The following MRTFB variants were observed in gnomAD, a reference collection of about 807,000 sequenced individuals.
The protein encoded by MRTFB is myocardin-related transcription factor B.
MRTFB carries 29 observed loss-of-function variants against 104.2 expected under a neutral mutation model. The ratio of observed to expected loss-of-function variants is 0.28; its 90% confidence interval spans 0.21 to 0.38. The LOEUF is 0.38. MRTFB is among the 10% of genes least tolerant of loss of function. The pLI is 1.00. For missense variants in MRTFB, 1,270 were observed against 1,341.6 expected (o/e 0.95, Z 0.83); for synonymous variants, 535 against 519.5 (o/e 1.03, Z -0.41).
the MRTFB span, among the ~76,000 whole-genome samples, chr16:14,000,320 CATCT>C: frequency 1.3e-5 from 2 of 152,190 alleles, no homozygotes; most frequent in African/African-American, 4.8e-5. Flanking sequence ...CATTGATTTA[CATCT>C]ATCTGTCTAC....
chr16:14,146,013 A>G (rs1317023372), intron 3 of MRTFB, among the ~76,000 whole-genome samples: 1 of 152,218 alleles, frequency 6.6e-6, no homozygotes, highest in Non-Finnish European at 1.5e-5. Context: ...AGGCAGAGCA[A>G]CCCTCAGGGA....
chr16:14,261,739 A>G lies in MRTFB; in HGVS notation c.*295A>G. ...GAATGAAAAGTACCTTTAGATAAAA[A>G]CAAAGAAGAGTAATATATGCAGCAC... is the stretch of plus-strand genomic sequence containing the variant. On this transcript the variant is annotated 3_prime_UTR_variant, in exon 17 of 17. Coordinates refer to ENST00000571589, the MANE Select transcript of MRTFB (RefSeq NM_001308142.2). The G allele has an allele frequency of 3.2e-6, 1 of 312,070 alleles. No homozygotes were observed. The highest frequency in any genetic ancestry group is 7.6e-5 in the South Asian group (1 of 13,140). The allele number at this position is 312,070 out of a possible 1,614,324, so 19.3% of individuals were successfully genotyped here.
intron 3 of MRTFB, among the ~76,000 whole-genome samples, chr16:14,166,210 T>G (rs1443185107): frequency 1.4e-5 from 2 of 141,294 alleles, no homozygotes; most frequent in Admixed American, 1.4e-4. Flanking sequence ...TGTGTGGGTT[T>G]TCTTTTCTTT....
At chr16:14,120,349 T>C (rs912402146) in intron 2 of MRTFB, among the ~76,000 whole-genome samples, 3 of 152,224 alleles carry the variant, frequency 2.0e-5, no homozygotes, top group Admixed American at 1.3e-4. Context: ...TACATCATGT[T>C]TAATCCCTCC....
chr16:14,199,669 A>G lies in MRTFB; in HGVS notation c.155-10574A>G, dbSNP rs78909870. 1.0e-2 allele frequency among the ~76,000 whole-genome samples: 1,523 copies of G among 152,348 alleles called. 17 individuals are homozygous for G. Among genetic ancestry groups the G allele is most frequent in the Non-Finnish European group, 0.017 (1,144 of 68,026 alleles). ...TTGATTCTAAATGTATCTCAAATCT[A>G]TTCATTACATCTCTCAGCCATGATG... On this transcript the variant is annotated intron_variant, in intron 3 of 16. Coordinates refer to ENST00000571589, the MANE Select transcript of MRTFB (RefSeq NM_001308142.2).
intron 3 of MRTFB, among the ~76,000 whole-genome samples, chr16:14,165,292 C>T (rs182539192): frequency 3.8e-4 from 58 of 152,102 alleles, no homozygotes; most frequent in South Asian, 6.2e-4. Flanking sequence ...TGTTTGCTGC[C>T]GTGGAGAATT....
chr16:14,237,585 A>C (rs994914441), intron 9 of MRTFB, among the ~76,000 whole-genome samples: 1 of 152,218 alleles, frequency 6.6e-6, no homozygotes, highest in Non-Finnish European at 1.5e-5. Context: ...TAGCTTGATT[A>C]GACTGTAGGG....
chr16:14,045,928 T>C, the MRTFB span, among the ~76,000 whole-genome samples: 2 of 152,194 alleles, frequency 1.3e-5, no homozygotes, highest in Non-Finnish European at 2.9e-5. Context: ...GTTGGTAAAG[T>C]GGTCTCAGCA....
the MRTFB span, among the ~76,000 whole-genome samples, chr16:13,997,036 A>C: frequency 6.6e-6 from 1 of 152,070 alleles, no homozygotes; most frequent in East Asian, 1.9e-4. Context: ...ATAAAAAGAC[A>C]CTCTTCTCAT....
intron 3 of MRTFB, among the ~76,000 whole-genome samples, chr16:14,199,252 C>T (rs1036396684): frequency 6.6e-6 from 1 of 152,196 alleles, no homozygotes; most frequent in East Asian, 1.9e-4. Context: ...CCTCTGCCTT[C>T]CTTTGTTGGA....
chr16:14,034,616 CA>C, the MRTFB span, among the ~76,000 whole-genome samples: 573 of 57,838 alleles, frequency 9.9e-3, 5 homozygotes, highest in East Asian at 0.098. Context: ...CTCCATCTCA[CA>C]AAAAAAAAAA....
chr16:14,079,555 C>A (rs887851814), intron 2 of MRTFB, among the ~76,000 whole-genome samples: 1 of 152,018 alleles, frequency 6.6e-6, no homozygotes, highest in Non-Finnish European at 1.5e-5. Flanking sequence ...TCAACCTCTT[C>A]GAATCTAATC....
chr16:14,119,739 A>T (rs1398525656), intron 2 of MRTFB, among the ~76,000 whole-genome samples: 1 of 152,120 alleles, frequency 6.6e-6, no homozygotes, highest in Non-Finnish European at 1.5e-5. Flanking sequence ...CATATTTAGT[A>T]TAAGTGATTG....
chr16:14,152,000 T>C (rs2038636711), intron 3 of MRTFB: 1 of 152,150 alleles, frequency 6.6e-6, no homozygotes. Flanking sequence ...TCTCCTTATG[T>C]GCTTGTTCTG....
At chr16:14,146,749 G>T (rs540443018) in intron 3 of MRTFB, among the ~76,000 whole-genome samples, 1 of 152,216 alleles carries the variant, frequency 6.6e-6, no homozygotes, top group South Asian at 2.1e-4. Context: ...TAACCTGCTA[G>T]GCTTACTGTC....
At chr16:14,040,629 AT>A in the MRTFB span, among the ~76,000 whole-genome samples, 1 of 152,054 alleles carries the variant, frequency 6.6e-6, no homozygotes, top group Non-Finnish European at 1.5e-5. Flanking sequence ...CAACCGGCTA[AT>A]TTTTGTATTT....
chr16:14,004,113 C>T, the MRTFB span, among the ~76,000 whole-genome samples: 4 of 152,114 alleles, frequency 2.6e-5, no homozygotes, highest in Admixed American at 1.3e-4. Context: ...AAGCCATGAG[C>T]CCCAGGAGCT....
intron 3 of MRTFB, 105 bp from the exon 4 acceptor site, chr16:14,210,138 A>C (rs908469058): frequency 4.0e-6 from 3 of 751,528 alleles, no homozygotes; most frequent in African/African-American, 1.8e-5. Context: ...TTAATTGTGA[A>C]ATAGAAGATG....
rs115817686 is a variant in MRTFB at position 14,203,514 on chromosome 16, A to G, written c.155-6729A>G. 2.8e-3 allele frequency among the ~76,000 whole-genome samples: 419 copies of G among 152,166 alleles called. 1 individual carries two copies. The highest frequency in any genetic ancestry group is 9.2e-3 in the African/African-American group (383 of 41,502). On this transcript the variant is annotated intron_variant, in intron 3 of 16. Coordinates refer to ENST00000571589, the MANE Select transcript of MRTFB (RefSeq NM_001308142.2). ...ACAATGTGTTGTTTCCTTTAGGGGGAAAAGGCACTTTAATTACATCATATT... is the reference window on the plus strand; with the variant it reads ...ACAATGTGTTGTTTCCTTTAGGGGGGAAAGGCACTTTAATTACATCATATT...
Sources: allele counts gnomAD v4.1 joint callset (sites outside exome capture counted in the v4.1 genomes callset), GRCh38; gene constraint gnomAD v4.1.1; transcripts MANE v1.5; gene names NCBI Gene and HGNC (gene_info 2026-07-23, HGNC 2026-07-21).